FAF1: variants seen among roughly 807,000 people sequenced by gnomAD.
The protein encoded by FAF1 is FAS-associated factor 1.
FAF1 carries 25 observed loss-of-function variants against 92.5 expected under a neutral mutation model. The ratio of observed to expected loss-of-function variants is 0.27; its 90% CI spans 0.20 to 0.38. FAF1 has a LOEUF of 0.38. FAF1 is among the 10% of genes least tolerant of loss of function. The pLI is 1.00. For synonymous variants in FAF1, 234 were observed against 273.2 expected, an observed-to-expected ratio of 0.86 and a Z score of 1.42; for missense variants, 636 against 793.3, an observed-to-expected ratio of 0.80 and a Z score of 2.38.
intron 1 of FAF1, among the ~76,000 whole-genome samples, chr1:50,859,819 G>C (rs779650622): frequency 3.3e-5 from 5 of 151,962 alleles, no homozygotes; most frequent in Non-Finnish European, 1.5e-5. Flanking sequence ...AACAAAGCTG[G>C]AGGCATCACA....
chr1:50,922,076 G>A (rs148780993), intron 1 of FAF1, among the ~76,000 whole-genome samples: 66 of 151,924 alleles, frequency 4.3e-4, no homozygotes, highest in African/African-American at 1.5e-3. Flanking sequence ...TGAGGCAGGA[G>A]AATTGCTTAG....
At chr1:50,629,824 C>T (rs1008993381) in intron 8 of FAF1, among the ~76,000 whole-genome samples, 31 of 152,030 alleles carry the variant, frequency 2.0e-4, no homozygotes, top group Admixed American at 1.3e-4. Flanking sequence ...TTTGGGAGGC[C>T]GAGACAGGCA....
chr1:50,805,286 A>T (rs1400412985), intron 2 of FAF1, among the ~76,000 whole-genome samples: 1 of 152,204 alleles, frequency 6.6e-6, no homozygotes, highest in Admixed American at 6.5e-5. Context: ...TACTGCCTTC[A>T]TGCTAATTAT....
chr1:50,569,400 C>A (rs1650324654), intron 12 of FAF1, among the ~76,000 whole-genome samples: 2 of 152,114 alleles, frequency 1.3e-5, no homozygotes, highest in Non-Finnish European at 2.9e-5. Context: ...CAAGCCACAG[C>A]CCCTTGGCAA....
At chr1:50,523,661 G>A (rs1647628883) in intron 15 of FAF1, among the ~76,000 whole-genome samples, 1 of 151,972 alleles carries the variant, frequency 6.6e-6, no homozygotes, top group South Asian at 2.1e-4. Flanking sequence ...ATATATTCTG[G>A]ATATTAAACC....
intron 3 of FAF1, among the ~76,000 whole-genome samples, chr1:50,799,105 C>T (rs369835896): frequency 6.6e-6 from 1 of 152,180 alleles, no homozygotes; most frequent in East Asian, 1.9e-4. Context: ...AGCTACCACG[C>T]CCAGCTCTCA....
intron 2 of FAF1, among the ~76,000 whole-genome samples, chr1:50,842,725 A>C (rs1644265674): frequency 1.3e-5 from 2 of 152,034 alleles, no homozygotes; most frequent in Admixed American, 6.6e-5. Context: ...CTAAAATGCT[A>C]CCCCATAAAA....
chr1:50,733,774 A>G (rs1305024027), intron 6 of FAF1, among the ~76,000 whole-genome samples: 2 of 152,210 alleles, frequency 1.3e-5, no homozygotes, highest in Non-Finnish European at 2.9e-5. Flanking sequence ...TAAGCTACCC[A>G]GTCTATGGTA....
intron 6 of FAF1, among the ~76,000 whole-genome samples, chr1:50,733,835 T>C (rs1659028518): frequency 6.6e-6 from 1 of 152,210 alleles, no homozygotes; most frequent in African/African-American, 2.4e-5. Context: ...CCCACTCTGC[T>C]GCCCAGGCTT....
At position 50,535,379 on chromosome 1, in the gene FAF1, A is replaced by C. The variant is rs1227112079; in HGVS notation, c.1484T>G (p.Ile495Arg). The part of the protein sequence containing the change: ...EIFTAQQQED[I>R]KDEDEREARE... ...TCTGCATAACCTTACCTCGTCCTTT[A>C]TATCTTCCTGTTGTTGGGCTGTGAA... The change falls in exon 15 of 19, where the codon ATA (isoleucine) becomes AGA (arginine). Residue 495 changes from isoleucine (I) to arginine (R), a missense_variant. Around this residue, in one of 2 missense-constraint regions of FAF1, gnomAD observed 319 missense variants for 451.0 expected, o/e 0.71. Transcript: ENST00000396153. The C allele has an allele frequency of 3.7e-6, 6 of 1,607,538 alleles. No individual in the cohort carries two copies. The highest frequency in any genetic ancestry group is 1.3e-5 in the African/African-American group (1 of 74,738).
At chr1:50,560,210 G>T (rs1649831427) in intron 13 of FAF1, among the ~76,000 whole-genome samples, 1 of 152,178 alleles carries the variant, frequency 6.6e-6, no homozygotes, top group Admixed American at 6.5e-5. Context: ...CTGTGAATAT[G>T]GCTAATTACT....
At chr1:50,835,966 G>C (rs1469039784) in intron 2 of FAF1, among the ~76,000 whole-genome samples, 1 of 152,062 alleles carries the variant, frequency 6.6e-6, no homozygotes, top group East Asian at 1.9e-4. Context: ...AAGACTGCAA[G>C]GCTTAGGAGG....
At chr1:50,664,685 T>C (rs1655544626) in intron 7 of FAF1, among the ~76,000 whole-genome samples, 1 of 152,146 alleles carries the variant, frequency 6.6e-6, no homozygotes, top group Non-Finnish European at 1.5e-5. Flanking sequence ...TCCCAGCTAC[T>C]CAGGAGGCTG....
chr1:50,761,581 C>T (rs568301543), intron 4 of FAF1, among the ~76,000 whole-genome samples: 218 of 152,252 alleles, frequency 1.4e-3, no homozygotes, highest in African/African-American at 5.0e-3. Flanking sequence ...GAACCAAAGA[C>T]AAAAACCACA....
At chr1:50,743,401 C>G (rs1204895761) in intron 5 of FAF1, among the ~76,000 whole-genome samples, 1 of 152,168 alleles carries the variant, frequency 6.6e-6, no homozygotes, top group Non-Finnish European at 1.5e-5. Flanking sequence ...GATCTCGGCT[C>G]ATGGCAGCCT....
chr1:50,950,550 T>A (rs1057259762), intron 1 of FAF1, among the ~76,000 whole-genome samples: 2 of 152,212 alleles, frequency 1.3e-5, no homozygotes, highest in African/African-American at 4.8e-5. Context: ...TAAATCCTTA[T>A]TTATAAAAAC....
At chr1:50,691,138 G>A (rs1656903703) in intron 7 of FAF1, among the ~76,000 whole-genome samples, 1 of 151,952 alleles carries the variant, frequency 6.6e-6, no homozygotes, top group Admixed American at 6.6e-5. Context: ...AACATGTTGA[G>A]GAACTATCAA....
chr1:50,954,476 G>C (rs866420679), intron 1 of FAF1, among the ~76,000 whole-genome samples: 11 of 150,066 alleles, frequency 7.3e-5, no homozygotes, highest in South Asian at 2.1e-4. Flanking sequence ...AGGAGTTCAA[G>C]ACCAGCCTGG....
chr1:50,543,969 G>A (rs573359021), intron 13 of FAF1, among the ~76,000 whole-genome samples: 1 of 152,050 alleles, frequency 6.6e-6, no homozygotes, highest in Non-Finnish European at 1.5e-5. Context: ...TGTGGAAAGG[G>A]CATCCTCCCT....
Sources: gnomAD v4.1 joint callset for allele counts (sites outside exome capture counted in the v4.1 genomes callset) on GRCh38, gnomAD v4.1.1 for gene constraint, gnomAD v4.1.1 regional missense constraint, MANE v1.5 for transcripts, NCBI Gene and HGNC (gene_info 2026-07-23, HGNC 2026-07-21) for gene names.